The following TGFBR2 variants were observed in gnomAD, a reference collection of about 807,000 sequenced individuals.
TGFBR2 encodes the protein TGF-beta receptor type-2.
Under a neutral mutation model 49.0 loss-of-function variants are expected in TGFBR2, and 18 were observed. The ratio of observed to expected loss-of-function variants is 0.37; its 90% CI spans 0.25 to 0.54. The LOEUF is 0.54. Among genes scored for constraint, TGFBR2 ranks in the 20% least tolerant of loss-of-function variants. TGFBR2 has a pLI of 0.85. For synonymous variants in TGFBR2, 282 were observed against 275.9 expected (o/e 1.02, Z -0.22); for missense variants, 525 against 722.6 (o/e 0.73, Z 3.13).
intron 2 of TGFBR2, among the ~76,000 whole-genome samples, chr3:30,648,419 TACACACAC>T (rs35473576): frequency 4.3e-4 from 50 of 115,616 alleles, no homozygotes; most frequent in African/African-American, 1.3e-3. Flanking sequence ...AAAAACAACC[TACACACAC>T]ACACACACAC....
intron 3 of TGFBR2, among the ~76,000 whole-genome samples, chr3:30,654,802 A>C (rs1258261091): frequency 3.9e-5 from 6 of 152,146 alleles, no homozygotes; most frequent in Non-Finnish European, 5.9e-5. Flanking sequence ...CAAAGACATG[A>C]TATGGTTATT....
At chr3:30,606,561 C>G (rs1559443390), upstream of TGFBR2, 1 of 301,868 alleles carries the variant, frequency 3.3e-6, no homozygotes, top group East Asian at 4.7e-5. Context: ...CGAGGAGTTT[C>G]CTGTTTCCCC....
intron 1 of TGFBR2, among the ~76,000 whole-genome samples, chr3:30,633,929 G>A (rs902860754): frequency 3.9e-5 from 6 of 152,238 alleles, no homozygotes; most frequent in Middle Eastern, 3.4e-3. Context: ...CTTGGACCTC[G>A]TTATATTACT....
At chr3:30,645,003 C>G in intron 2 of TGFBR2, 88 bp downstream of exon 2, 1 of 1,220,968 alleles carries the variant, frequency 8.2e-7, no homozygotes. Flanking sequence ...GTATCTCTGT[C>G]TCCTAAATGT....
chr3:30,630,619 A>G (rs1234150609), intron 1 of TGFBR2, among the ~76,000 whole-genome samples: 2 of 152,108 alleles, frequency 1.3e-5, no homozygotes, highest in African/African-American at 2.4e-5. Context: ...TTTCTCACCA[A>G]CTACTGTGGC....
chr3:30,679,082 A>G (rs1699490662), intron 5 of TGFBR2, among the ~76,000 whole-genome samples: 1 of 152,130 alleles, frequency 6.6e-6, no homozygotes, highest in Non-Finnish European at 1.5e-5. Context: ...ATCATGATGG[A>G]TGTCTTTTAG....
chr3:30,688,300 C>A lies in TGFBR2; in HGVS notation c.1397-84C>A, dbSNP rs553018964. On this transcript the variant is annotated intron_variant, in intron 5 of 6. Transcript: ENST00000295754. ...TTTGTTACTTAGTGCTTCATGCTCC[C>A]CAGCCAGGCATCTCACCATGCTCAT... 8.8e-6 allele frequency: 14 copies of A among 1,587,300 alleles called. No individual in the cohort carries two copies. The African/African-American group carries it at 1.6e-4, about 18-fold the overall frequency.
At chr3:30,668,992 G>A (rs1197222928) in intron 3 of TGFBR2, among the ~76,000 whole-genome samples, 1 of 151,896 alleles carries the variant, frequency 6.6e-6, no homozygotes. Flanking sequence ...AGTTTCAGAT[G>A]CTGGGCCAAG....
chr3:30,611,137 C>A (rs1394706230), intron 1 of TGFBR2, among the ~76,000 whole-genome samples: 1 of 152,160 alleles, frequency 6.6e-6, no homozygotes, highest in Non-Finnish European at 1.5e-5. Context: ...CCCATTATAC[C>A]TTTAATCCTC....
At chr3:30,647,248 A>G (rs1698759096) in intron 2 of TGFBR2, among the ~76,000 whole-genome samples, 1 of 152,080 alleles carries the variant, frequency 6.6e-6, no homozygotes, top group Non-Finnish European at 1.5e-5. Context: ...ATTCCTGGTT[A>G]TTTTGCCATA....
chr3:30,666,097 A>T (rs1296442984), intron 3 of TGFBR2, among the ~76,000 whole-genome samples: 3 of 152,186 alleles, frequency 2.0e-5, no homozygotes, highest in African/African-American at 7.2e-5. Flanking sequence ...TAGAGAAAAT[A>T]AAAAAAGATG....
At chr3:30,653,405 C>A (rs973535952) in intron 3 of TGFBR2, among the ~76,000 whole-genome samples, 2 of 152,056 alleles carry the variant, frequency 1.3e-5, no homozygotes, top group African/African-American at 4.8e-5. Flanking sequence ...GCATCTGCCA[C>A]CATGCCCGGC....
chr3:30,612,770 A>C (rs763926161), intron 1 of TGFBR2, among the ~76,000 whole-genome samples: 1 of 152,156 alleles, frequency 6.6e-6, no homozygotes, highest in Non-Finnish European at 1.5e-5. Context: ...GATGAGGGCA[A>C]GAAGAGCCGA....
chr3:30,661,458 G>A (rs186073476), intron 3 of TGFBR2: 1 of 418,990 alleles, frequency 2.4e-6, no homozygotes, highest in Non-Finnish European at 4.8e-6. Flanking sequence ...CACAGTGGAA[G>A]GGATGCCTAA....
chr3:30,661,600 T>G (rs1439224535), intron 3 of TGFBR2: 4 of 516,062 alleles, frequency 7.8e-6, no homozygotes, highest in African/African-American at 7.7e-5. Context: ...AAACACTGGC[T>G]GGGAATCTGC....
At chr3:30,620,636 C>G (rs928356182) in intron 1 of TGFBR2, among the ~76,000 whole-genome samples, 3 of 152,076 alleles carry the variant, frequency 2.0e-5, no homozygotes, top group Non-Finnish European at 2.9e-5. Flanking sequence ...CATTTATTCT[C>G]TCATGTGTGA....
At chr3:30,687,433 C>T (rs9838539) in intron 5 of TGFBR2, among the ~76,000 whole-genome samples, 28,282 of 151,954 alleles carry the variant, frequency 0.19, 3,068 homozygotes, top group African/African-American at 0.31. Context: ...CGCTATGTTG[C>T]CCAGGTTGGT....
intron 1 of TGFBR2, among the ~76,000 whole-genome samples, chr3:30,612,558 A>T (rs527702061): frequency 6.6e-6 from 1 of 152,160 alleles, no homozygotes; most frequent in Non-Finnish European, 1.5e-5. Flanking sequence ...GAAAATCAAG[A>T]TAAGGCAGAG....
chr3:30,681,562 C>T (rs1054038309), intron 5 of TGFBR2, among the ~76,000 whole-genome samples: 10 of 152,162 alleles, frequency 6.6e-5, no homozygotes, highest in African/African-American at 2.4e-4. Context: ...GAGGGCCGGG[C>T]GGTTGCGGGT....
Sources: gnomAD v4.1 joint callset for allele counts (sites outside exome capture counted in the v4.1 genomes callset) on GRCh38, gnomAD v4.1.1 for gene constraint, MANE v1.5 for transcripts, NCBI Gene and HGNC (gene_info 2026-07-23, HGNC 2026-07-21) for gene names.